NFIB: variants seen among roughly 807,000 people sequenced by gnomAD.
The protein encoded by NFIB is nuclear factor 1 B-type.
NFIB carries 11 observed loss-of-function variants against 61.5 expected under a neutral mutation model. The observed-to-expected ratio is 0.18, with a 90% CI of 0.11 to 0.30. The LOEUF is 0.30. NFIB is among the 10% of genes least tolerant of loss of function. NFIB has a pLI of 1.00. For synonymous variants in NFIB, 260 were observed against 216.5 expected (o/e 1.20, Z -1.76); for missense variants, 471 against 608.9 (o/e 0.77, Z 2.38).
chr9:14,290,013 T>C (rs984956359), intron 2 of NFIB, among the ~76,000 whole-genome samples: 10 of 152,036 alleles, frequency 6.6e-5, no homozygotes, highest in African/African-American at 2.4e-4. Context: ...TTATCTCCCA[T>C]TATGTTTGTG....
chr9:14,266,856 G>A (rs1225438798), intron 2 of NFIB, among the ~76,000 whole-genome samples: 1 of 151,950 alleles, frequency 6.6e-6, no homozygotes, highest in Non-Finnish European at 1.5e-5. Flanking sequence ...GATTTTTATT[G>A]ATTTATTATT....
chr9:14,495,358 C>A, the NFIB span, among the ~76,000 whole-genome samples: 1 of 151,140 alleles, frequency 6.6e-6, no homozygotes, highest in Non-Finnish European at 1.5e-5. Flanking sequence ...AACATATCTA[C>A]GGGGATTTCA....
chr9:14,216,590 G>A (rs1315183525), intron 2 of NFIB, among the ~76,000 whole-genome samples: 2 of 146,792 alleles, frequency 1.4e-5, no homozygotes, highest in Non-Finnish European at 3.0e-5. Flanking sequence ...GTGTGTGTGT[G>A]TAGCATTGAC....
chr9:14,314,871 G>T (rs571203132), upstream of NFIB, among the ~76,000 whole-genome samples: 1 of 148,672 alleles, frequency 6.7e-6, no homozygotes, highest in East Asian at 2.0e-4. Context: ...CCGAAAACCC[G>T]CCCTGGAAGA....
chr9:14,348,656 G>T (rs528815978), intron 1 of NFIB, among the ~76,000 whole-genome samples: 231 of 152,356 alleles, frequency 1.5e-3, no homozygotes, highest in African/African-American at 4.7e-3. Flanking sequence ...GCGCAATACT[G>T]GCAGCAGTGG....
the NFIB span, among the ~76,000 whole-genome samples, chr9:14,475,729 C>A: frequency 6.6e-6 from 1 of 152,142 alleles, no homozygotes; most frequent in Non-Finnish European, 1.5e-5. Flanking sequence ...TCACACAAAG[C>A]AGGGAGCATC....
In NFIB at chr9:14,088,160, A is replaced by G. The variant is rs779962493; in HGVS notation, c.*149T>C. Reference sequence around the variant, plus strand: ...CTTTTCCTTTTTTTTTATTTAAAAAAAAAATTTCTTAAACTATTGTTGTGT... The same window carrying G: ...CTTTTCCTTTTTTTTTATTTAAAAAGAAAATTTCTTAAACTATTGTTGTGT... On this transcript the variant is annotated 3_prime_UTR_variant, in exon 11 of 11. Coordinates refer to ENST00000380953, the MANE Select transcript of NFIB (RefSeq NM_001190737.2). The G allele has an allele frequency of 1.4e-6, 2 of 1,415,212 alleles. No homozygotes were observed. Among genetic ancestry groups the G allele is most frequent in the South Asian group, 3.2e-5 (2 of 62,332 alleles). 87.7% of individuals were successfully genotyped at this position (1,415,212 alleles called of 1,614,324 possible). A position where few individuals can be genotyped will look rare whatever the true frequency, so the allele number is the denominator to read the frequency against.
At chr9:14,267,344 T>A (rs1483950257) in intron 2 of NFIB, among the ~76,000 whole-genome samples, 1 of 152,220 alleles carries the variant, frequency 6.6e-6, no homozygotes, top group Non-Finnish European at 1.5e-5. Context: ...TACAGCAAAA[T>A]GCTTCTTATA....
At chr9:14,207,563 G>C (rs1387802471) in intron 2 of NFIB, among the ~76,000 whole-genome samples, 1 of 152,208 alleles carries the variant, frequency 6.6e-6, no homozygotes, top group East Asian at 1.9e-4. Flanking sequence ...GGCATGAGCA[G>C]CTCCGTGCAG....
chr9:14,139,813 T>C (rs1208868192), intron 6 of NFIB, among the ~76,000 whole-genome samples: 1 of 152,200 alleles, frequency 6.6e-6, no homozygotes, highest in African/African-American at 2.4e-5. Flanking sequence ...CCTTTCCATT[T>C]TGAAGAAGAT....
At chr9:14,340,435 A>G (rs1009621237) in intron 1 of NFIB, among the ~76,000 whole-genome samples, 2 of 152,212 alleles carry the variant, frequency 1.3e-5, no homozygotes, top group Admixed American at 6.5e-5. Flanking sequence ...ACTCGTAGCA[A>G]TTCTAATTTA....
the NFIB span, among the ~76,000 whole-genome samples, chr9:14,515,121 G>C: frequency 6.6e-6 from 1 of 151,950 alleles, no homozygotes; most frequent in African/African-American, 2.4e-5. Flanking sequence ...GCGGTTGTTA[G>C]AAAAAACTTG....
intron 2 of NFIB, among the ~76,000 whole-genome samples, chr9:14,226,966 T>C (rs562968578): frequency 5.8e-4 from 84 of 144,572 alleles, no homozygotes; most frequent in African/African-American, 2.1e-3. Context: ...ATGGTGAAAC[T>C]CCGTCTCTAA....
chr9:14,219,526 C>A (rs1421956092), intron 2 of NFIB, among the ~76,000 whole-genome samples: 1 of 151,952 alleles, frequency 6.6e-6, no homozygotes, highest in African/African-American at 2.4e-5. Flanking sequence ...AAAATTACAA[C>A]CGCATTACAT....
chr9:14,287,410 C>T (rs537908095), intron 2 of NFIB, among the ~76,000 whole-genome samples: 1 of 151,016 alleles, frequency 6.6e-6, no homozygotes, highest in East Asian at 2.0e-4. Flanking sequence ...GCCTGGGTGA[C>T]AGACCGAGAC....
chr9:14,385,890 C>G (rs1233771092), intron 1 of NFIB, among the ~76,000 whole-genome samples: 1 of 151,168 alleles, frequency 6.6e-6, no homozygotes, highest in Non-Finnish European at 1.5e-5. Flanking sequence ...TCAAGTGATT[C>G]TCCTGTCTCA....
chr9:14,378,386 C>T (rs1023761244), intron 1 of NFIB, among the ~76,000 whole-genome samples: 5 of 152,200 alleles, frequency 3.3e-5, no homozygotes, highest in African/African-American at 1.2e-4. Flanking sequence ...GAGATGGAGT[C>T]TCGCTCTGTC....
At chr9:14,342,541 A>C (rs2060964621) in intron 1 of NFIB, among the ~76,000 whole-genome samples, 1 of 151,952 alleles carries the variant, frequency 6.6e-6, no homozygotes, top group Non-Finnish European at 1.5e-5. Flanking sequence ...AGAGGGAAGG[A>C]AGGCTCGTTT....
At chr9:14,096,964 G>T (rs1346558416) in intron 10 of NFIB, among the ~76,000 whole-genome samples, 1 of 152,086 alleles carries the variant, frequency 6.6e-6, no homozygotes, top group African/African-American at 2.4e-5. Flanking sequence ...AGGAAATGTC[G>T]TGTTGTACAA....
Sources: allele counts gnomAD v4.1 joint callset (sites outside exome capture counted in the v4.1 genomes callset), GRCh38; gene constraint gnomAD v4.1.1; transcripts MANE v1.5; gene names NCBI Gene and HGNC (gene_info 2026-07-23, HGNC 2026-07-21).